The following DPH6 variants were observed in gnomAD, a reference collection of about 807,000 sequenced individuals.
DPH6 encodes diphthamine biosynthesis 6.
Under a neutral mutation model 38.2 loss-of-function variants are expected in DPH6, and 33 were observed. The ratio of observed to expected loss-of-function variants is 0.86; its 90% CI spans 0.65 to 1.15. The LOEUF is 1.15. Among genes scored for constraint, DPH6 ranks in the 50% most tolerant of loss-of-function variants. DPH6 has a pLI of 0.00. For synonymous variants in DPH6, 108 were observed against 103.0 expected (o/e 1.05, Z -0.30); for missense variants, 325 against 320.0 (o/e 1.02, Z -0.12).
intron 3 of DPH6, chr15:35,519,110 C>T (rs573888291): frequency 2.6e-5 from 4 of 151,860 alleles, no homozygotes; most frequent in African/African-American, 9.6e-5. Context: ...CATAACTTCA[C>T]ATCTAGTTGC....
chr15:35,356,375 C>T (rs2052560265), intron 3 of DPH6, among the ~76,000 whole-genome samples: 1 of 152,186 alleles, frequency 6.6e-6, no homozygotes, highest in Non-Finnish European at 1.5e-5. Flanking sequence ...TTTAGAGTTT[C>T]CAGTTTTTCT....
intron 3 of DPH6, among the ~76,000 whole-genome samples, chr15:35,249,024 G>A (rs1040938521): frequency 1.4e-4 from 22 of 152,150 alleles, no homozygotes; most frequent in African/African-American, 5.3e-4. Flanking sequence ...AGAGATTGCA[G>A]GACTAGAGGA....
In DPH6 at chr15:35,397,914, C is replaced by CA. The variant is rs1491052516; in HGVS notation, c.567+12920dup. ...ACACACACACACACACACACACACA[C>CA]AAGATTCTGAGACCTCTAGCTATTT... On this transcript the variant is annotated intron_variant, in intron 6 of 8. Transcript: ENST00000256538. Among the ~76,000 whole-genome samples the CA allele has an allele frequency of 1.3e-3, 192 of 149,602 alleles. 1 individual carries two copies. The highest frequency in any genetic ancestry group is 0.013 in the South Asian group (59 of 4,684).
chr15:35,524,940 A>G (rs1705149711), intron 3 of DPH6, among the ~76,000 whole-genome samples: 1 of 152,168 alleles, frequency 6.6e-6, no homozygotes, highest in South Asian at 2.1e-4. Flanking sequence ...GGATTACCAT[A>G]AAGTTGACTA....
chr15:35,351,394 C>T (rs1318160875), intron 3 of DPH6, among the ~76,000 whole-genome samples: 1 of 152,068 alleles, frequency 6.6e-6, no homozygotes, highest in African/African-American at 2.4e-5. Flanking sequence ...GAAATTAGTA[C>T]AGTTATATTT....
At chr15:35,417,852 T>C (rs1278546597) in intron 5 of DPH6, among the ~76,000 whole-genome samples, 1 of 152,056 alleles carries the variant, frequency 6.6e-6, no homozygotes, top group Admixed American at 6.6e-5. Flanking sequence ...CTAGACCCAA[T>C]ACAATTTCAG....
intron 3 of DPH6, among the ~76,000 whole-genome samples, chr15:35,261,025 A>G (rs953264338): frequency 1.3e-5 from 2 of 152,230 alleles, no homozygotes; most frequent in Non-Finnish European, 2.9e-5. Context: ...TGATTTACAT[A>G]AGGAAATTCC....
intron 5 of DPH6, among the ~76,000 whole-genome samples, chr15:35,416,805 G>C (rs1298071996): frequency 6.6e-6 from 1 of 152,010 alleles, no homozygotes; most frequent in Non-Finnish European, 1.5e-5. Flanking sequence ...ACTGTTCATA[G>C]AATATATTTT....
At chr15:35,477,095 C>T (rs1022867592) in intron 3 of DPH6, among the ~76,000 whole-genome samples, 22 of 151,690 alleles carry the variant, frequency 1.5e-4, no homozygotes, top group Non-Finnish European at 3.0e-4. Context: ...ATTCTTCATA[C>T]AAACTGAAAT....
the DPH6 span, chr15:35,169,727 T>C: frequency 6.6e-6 from 1 of 152,062 alleles, no homozygotes; most frequent in Non-Finnish European, 1.5e-5. Flanking sequence ...AATACCACAA[T>C]GTTGGTGGGA....
intron 3 of DPH6, chr15:35,489,551 C>G: frequency 2.0e-6 from 2 of 983,156 alleles, no homozygotes; most frequent in Non-Finnish European, 2.4e-6. Flanking sequence ...GAGTCTATAT[C>G]TTTCTCATGT....
the DPH6 span, among the ~76,000 whole-genome samples, chr15:35,189,360 T>A: frequency 2.6e-5 from 4 of 152,372 alleles, no homozygotes; most frequent in Admixed American, 6.5e-5. Context: ...TTCCATTACA[T>A]GCTTTCTGCC....
At chr15:35,146,759 T>C in the DPH6 span, among the ~76,000 whole-genome samples, 1 of 152,182 alleles carries the variant, frequency 6.6e-6, no homozygotes, top group Admixed American at 6.5e-5. Context: ...ACATTATTCA[T>C]ATATGGAACC....
At chr15:35,245,116 C>T (rs1285242328) in intron 3 of DPH6, among the ~76,000 whole-genome samples, 1 of 150,950 alleles carries the variant, frequency 6.6e-6, no homozygotes, top group African/African-American at 2.4e-5. Context: ...AAAAAATGAA[C>T]AATTTATACA....
At chr15:35,458,136 ATTC>A (rs1249164437) in intron 3 of DPH6, among the ~76,000 whole-genome samples, 1 of 152,102 alleles carries the variant, frequency 6.6e-6, no homozygotes, top group Non-Finnish European at 1.5e-5. Context: ...TTATTTTTGT[ATTC>A]TTATTTTTTA....
intron 3 of DPH6, among the ~76,000 whole-genome samples, chr15:35,253,572 G>A (rs1420059505): frequency 6.6e-6 from 1 of 152,160 alleles, no homozygotes; most frequent in Non-Finnish European, 1.5e-5. Flanking sequence ...AGATTTGATC[G>A]ACATTTGATG....
rs1272299895 is a variant in DPH6, at chr15:35,397,880, C to T, written c.567+12955G>A. Among the ~76,000 whole-genome samples, 115 of 147,424 alleles carry T rather than the reference C, an allele frequency of 7.8e-4. 1 individual carries two copies. Among genetic ancestry groups the T allele is most frequent in the South Asian group, 1.3e-3 (6 of 4,708 alleles). On this transcript the variant is annotated intron_variant, in intron 6 of 8. Transcript: ENST00000256538. Reference sequence around the variant, plus strand: ...CAATTTATATATATACACACACACACACACACACACACACACACACACACA... The same window carrying T: ...CAATTTATATATATACACACACACATACACACACACACACACACACACACA...
chr15:35,252,000 G>T (rs1015056335), intron 3 of DPH6, among the ~76,000 whole-genome samples: 2 of 152,126 alleles, frequency 1.3e-5, no homozygotes, highest in African/African-American at 4.8e-5. Context: ...TTAGCTAGGC[G>T]TGGTAGTGGG....
intron 3 of DPH6, among the ~76,000 whole-genome samples, chr15:35,493,493 G>T (rs934472597): frequency 6.6e-6 from 1 of 152,096 alleles, no homozygotes; most frequent in Non-Finnish European, 1.5e-5. Flanking sequence ...AATACTTGAA[G>T]AAAAAGAGGT....
Sources: gnomAD v4.1 joint callset for allele counts (sites outside exome capture counted in the v4.1 genomes callset) on GRCh38, gnomAD v4.1.1 for gene constraint, MANE v1.5 for transcripts, NCBI Gene and HGNC (gene_info 2026-07-23, HGNC 2026-07-21) for gene names.